Variants in ATRNL1 observed in about 807,000 individuals in gnomAD.
ATRNL1 encodes the protein attractin-like protein 1.
A neutral mutation model predicts 182.7 loss-of-function variants in ATRNL1; 95 were observed. The observed-to-expected ratio is 0.52, with a 90% CI of 0.44 to 0.62. The LOEUF (loss-of-function observed/expected upper bound fraction) is 0.62, where lower values mean the gene tolerates loss of function less well. ATRNL1 is among the 20% of genes least tolerant of loss of function. The pLI, the probability that ATRNL1 is intolerant of heterozygous loss-of-function variation, is 0.00. For synonymous variants in ATRNL1, 576 were observed against 568.3 expected, an observed-to-expected ratio of 1.01 and a Z score of -0.19; for missense variants, 1,471 against 1,679.5, an observed-to-expected ratio of 0.88 and a Z score of 2.17.
At chr10:115,631,955 G>A (rs1254845314) in intron 26 of ATRNL1, among the ~76,000 whole-genome samples, 2 of 152,054 alleles carry the variant, frequency 1.3e-5, no homozygotes, top group Non-Finnish European at 2.9e-5. Context: ...CATCTATCAA[G>A]AATATATATC....
At chr10:115,846,366 G>T (rs1436488510) in intron 27 of ATRNL1, among the ~76,000 whole-genome samples, 1 of 151,852 alleles carries the variant, frequency 6.6e-6, no homozygotes, top group African/African-American at 2.4e-5. Context: ...AAGAAAGCAG[G>T]CATATTTTAT....
At chr10:115,856,548 C>T (rs1951192884) in intron 28 of ATRNL1, among the ~76,000 whole-genome samples, 1 of 151,300 alleles carries the variant, frequency 6.6e-6, no homozygotes, top group Admixed American at 6.6e-5. Context: ...CTTTTGGCAC[C>T]AGGGACGGGT....
chr10:115,848,087 G>T (rs782674219), intron 28 of ATRNL1, 96 bp downstream of exon 28: 1 of 711,484 alleles, frequency 1.4e-6, no homozygotes, highest in Non-Finnish European at 2.5e-6. Context: ...AAGGACCTTT[G>T]CAAGGTTCTA....
In ATRNL1 at chr10:115,770,147, A is replaced by C. The variant is rs10885808; in HGVS notation, c.3903+42792A>C. 3.3e-3 allele frequency among the ~76,000 whole-genome samples: 501 copies of C among 151,868 alleles called. 4 individuals are homozygous for C. The highest frequency in any genetic ancestry group is 6.8e-3 in the Middle Eastern group (2 of 294). The stretch of plus-strand genomic sequence containing the variant: ...TATTACCTGAAGGGTTTTTTTTTTA[A>C]AACTAAAAAAAACAAGAGAAAGTTT... On this transcript the variant is annotated intron_variant, in intron 27 of 28. Transcript: ENST00000355044.
chr10:115,871,866 A>G (rs1267053235), intron 28 of ATRNL1, among the ~76,000 whole-genome samples: 1 of 152,166 alleles, frequency 6.6e-6, no homozygotes, highest in Non-Finnish European at 1.5e-5. Context: ...TGTTTTCAAT[A>G]TTATGCCACT....
intron 20 of ATRNL1, among the ~76,000 whole-genome samples, chr10:115,395,854 A>C (rs2134284120): frequency 6.6e-6 from 1 of 151,796 alleles, no homozygotes; most frequent in African/African-American, 2.4e-5. Flanking sequence ...TTAAAATCAA[A>C]TTTTTATGGT....
chr10:115,203,640 C>T (rs999682889), intron 8 of ATRNL1, among the ~76,000 whole-genome samples: 12 of 142,926 alleles, frequency 8.4e-5, no homozygotes, highest in Non-Finnish European at 9.0e-5. Context: ...AGTGTAGTGG[C>T]ACGCTCTTGG....
At chr10:115,755,184 T>G (rs973380387) in intron 27 of ATRNL1, among the ~76,000 whole-genome samples, 13 of 152,144 alleles carry the variant, frequency 8.5e-5, no homozygotes, top group Non-Finnish European at 1.3e-4. Context: ...CTGATTGCCC[T>G]GGCCAGAACT....
At chr10:115,179,473 G>A (rs781883817) in intron 8 of ATRNL1, among the ~76,000 whole-genome samples, 1 of 152,126 alleles carries the variant, frequency 6.6e-6, no homozygotes, top group Non-Finnish European at 1.5e-5. Flanking sequence ...AGGCCAAGGG[G>A]TGGTAAAGTC....
intron 5 of ATRNL1, among the ~76,000 whole-genome samples, chr10:115,159,223 G>A (rs1272162711): frequency 6.6e-6 from 1 of 151,452 alleles, no homozygotes; most frequent in South Asian, 2.1e-4. Context: ...AGGAGTTTAT[G>A]TCTAGTATTT....
intron 8 of ATRNL1, among the ~76,000 whole-genome samples, chr10:115,188,351 G>T (rs985339174): frequency 1.3e-5 from 2 of 152,230 alleles, no homozygotes; most frequent in East Asian, 3.9e-4. Context: ...ATGTCAGTTT[G>T]TCCTTTTTTG....
chr10:115,903,802 T>C (rs1299739940), intron 28 of ATRNL1, among the ~76,000 whole-genome samples: 1 of 47,304 alleles, frequency 2.1e-5, no homozygotes, highest in African/African-American at 2.7e-5. Flanking sequence ...CCAGAGGAAC[T>C]TGGGCTGGAG....
intron 5 of ATRNL1, among the ~76,000 whole-genome samples, chr10:115,148,719 G>A (rs1428647164): frequency 6.7e-6 from 1 of 150,232 alleles, no homozygotes; most frequent in Non-Finnish European, 1.5e-5. Context: ...GTTCCGAATG[G>A]ATCTCCCTCT....
intron 27 of ATRNL1, among the ~76,000 whole-genome samples, chr10:115,793,659 T>A (rs2134217099): frequency 6.6e-6 from 1 of 152,244 alleles, no homozygotes; most frequent in East Asian, 1.9e-4. Flanking sequence ...TACCAATTAG[T>A]TGGCAATTGA....
chr10:115,197,297 A>G (rs904752005), intron 8 of ATRNL1, among the ~76,000 whole-genome samples: 2 of 151,976 alleles, frequency 1.3e-5, no homozygotes, highest in South Asian at 4.1e-4. Flanking sequence ...AAAGACTTCT[A>G]TGTCTATATT....
chr10:115,661,206 C>A (rs1860660972), intron 26 of ATRNL1, among the ~76,000 whole-genome samples: 1 of 152,036 alleles, frequency 6.6e-6, no homozygotes, highest in Admixed American at 6.6e-5. Flanking sequence ...AGAACTCTTC[C>A]AAGATCCTCA....
intron 25 of ATRNL1, among the ~76,000 whole-genome samples, chr10:115,535,662 C>T (rs1013522077): frequency 7.2e-5 from 11 of 152,144 alleles, no homozygotes; most frequent in Admixed American, 3.9e-4. Context: ...GAACTGCGTT[C>T]GTTTGGAGGA....
chr10:115,538,677 T>C (rs1421862539), intron 25 of ATRNL1, among the ~76,000 whole-genome samples: 1 of 152,258 alleles, frequency 6.6e-6, no homozygotes, highest in East Asian at 1.9e-4. Context: ...GTATCTTTTA[T>C]GGAGTGAAAA....
At chr10:115,865,777 G>A (rs539411807) in intron 28 of ATRNL1, among the ~76,000 whole-genome samples, 180 of 152,230 alleles carry the variant, frequency 1.2e-3, no homozygotes, top group Non-Finnish European at 2.3e-3. Flanking sequence ...AGGTATCTGA[G>A]GCTTTGTCTG....
Sources: allele counts gnomAD v4.1 joint callset (sites outside exome capture counted in the v4.1 genomes callset), GRCh38; gene constraint gnomAD v4.1.1; transcripts MANE v1.5; gene names NCBI Gene and HGNC (gene_info 2026-07-23, HGNC 2026-07-21).